DNAAF9: variants seen among roughly 807,000 people sequenced by gnomAD.
DNAAF9 encodes the protein shulin.
In DNAAF9, 90 loss-of-function variants were observed where a neutral mutation model predicts 167.0. The observed-to-expected ratio is 0.54, with a 90% CI of 0.45 to 0.64. DNAAF9 has a LOEUF of 0.64. Among genes scored for constraint, DNAAF9 ranks in the 30% least tolerant of loss-of-function variants. The probability of loss-of-function intolerance (pLI) is 0.00; values close to 1 mark genes in which losing one functional copy is unlikely to be tolerated. For missense variants in DNAAF9, 1,315 were observed against 1,442.2 expected, an observed-to-expected ratio of 0.91 and a Z score of 1.43; for synonymous variants, 491 against 508.8, an observed-to-expected ratio of 0.96 and a Z score of 0.47.
chr20:3,261,800 A>C, intron 31 of DNAAF9, among the ~76,000 whole-genome samples: 1 of 151,710 alleles, frequency 6.6e-6, no homozygotes, highest in Non-Finnish European at 1.5e-5. Flanking sequence ...TCCCCATCCA[A>C]ACAAGTCATT....
intron 10 of DNAAF9, among the ~76,000 whole-genome samples, chr20:3,333,938 T>G (rs1029075201): frequency 6.6e-6 from 1 of 152,196 alleles, no homozygotes; most frequent in Non-Finnish European, 1.5e-5. Context: ...AATAAGTAAC[T>G]GTCTAAACCT....
chr20:3,398,931 A>G (rs1052462394), intron 1 of DNAAF9, among the ~76,000 whole-genome samples: 1 of 152,184 alleles, frequency 6.6e-6, no homozygotes, highest in African/African-American at 2.4e-5. Flanking sequence ...CAATGGAAAA[A>G]AGCTAGCCAA....
At chr20:3,284,533 G>T (rs530092655) in intron 27 of DNAAF9, among the ~76,000 whole-genome samples, 3 of 151,692 alleles carry the variant, frequency 2.0e-5, no homozygotes, top group Non-Finnish European at 2.9e-5. Context: ...GTATGACGAA[G>T]GCAAAAAACT....
chr20:3,398,621 C>A (rs1298753406), intron 1 of DNAAF9, among the ~76,000 whole-genome samples: 1 of 152,052 alleles, frequency 6.6e-6, no homozygotes, highest in Non-Finnish European at 1.5e-5. Flanking sequence ...GTTCACTGAA[C>A]AATTCTTGAA....
chr20:3,376,450 G>T, intron 3 of DNAAF9, 148 bp from the exon 4 acceptor site: 1 of 692,276 alleles, frequency 1.4e-6, no homozygotes. Context: ...TAAGCACTGT[G>T]CCTTGTAAAC....
At chr20:3,355,156 T>C (rs1220337011) in intron 7 of DNAAF9, among the ~76,000 whole-genome samples, 1 of 152,260 alleles carries the variant, frequency 6.6e-6, no homozygotes, top group Non-Finnish European at 1.5e-5. Flanking sequence ...AATTCTTACA[T>C]TCTCTGTATA....
At chr20:3,268,760 G>A (rs1488247039) in intron 30 of DNAAF9, among the ~76,000 whole-genome samples, 3 of 151,966 alleles carry the variant, frequency 2.0e-5, no homozygotes, top group Non-Finnish European at 2.9e-5. Context: ...TATCTGAATT[G>A]AGCAAACAAA....
At chr20:3,296,005 A>G (rs940058634) in intron 23 of DNAAF9, 102 of 1,414,266 alleles carry the variant, frequency 7.2e-5, no homozygotes, top group Non-Finnish European at 9.3e-5. Flanking sequence ...TGTTGTACAC[A>G]TCGGGAACTT....
intron 34 of DNAAF9, among the ~76,000 whole-genome samples, chr20:3,255,687 G>A (rs779750146): frequency 4.6e-5 from 7 of 152,194 alleles, no homozygotes; most frequent in Non-Finnish European, 1.0e-4. Context: ...AGCATCTGCA[G>A]AAGAGCCAGG....
intron 18 of DNAAF9, 125 bp downstream of exon 18, chr20:3,316,598 T>C: frequency 1.7e-6 from 1 of 601,814 alleles, no homozygotes; most frequent in Admixed American, 2.6e-5. Flanking sequence ...AAAATTCCAT[T>C]CCTGAACAAC....
chr20:3,322,791 A>ACCTCACT, intron 14 of DNAAF9, 95 bp from the exon 15 acceptor site: 2 of 879,190 alleles, frequency 2.3e-6, no homozygotes, highest in Non-Finnish European at 3.9e-6. Flanking sequence ...AAGGCCACAC[A>ACCTCACT]GTGAGGTGTG....
Position 3,283,130 on chromosome 20 carries a change from AGAG to A in DNAAF9, c.2487-1367_2487-1365del, listed in dbSNP as rs140512539. 3.8e-3 allele frequency among the ~76,000 whole-genome samples: 574 copies of A among 152,304 alleles called. 2 individuals carry two copies. The highest frequency in any genetic ancestry group is 0.013 in the African/African-American group (548 of 41,574). Reference sequence around the variant, plus strand: ...AGGGGACCTAGCCTCTTCACCTTGTAGAGGAGAACTCTTTCCTGATTGATCCGG... The same window carrying A: ...AGGGGACCTAGCCTCTTCACCTTGTAGAGAACTCTTTCCTGATTGATCCGG... On this transcript the variant is annotated intron_variant, in intron 27 of 36. Coordinates refer to ENST00000252032, the MANE Select transcript of DNAAF9 (RefSeq NM_001009984.3).
At chr20:3,254,779 A>G (rs1004676185) in intron 35 of DNAAF9, among the ~76,000 whole-genome samples, 9 of 152,190 alleles carry the variant, frequency 5.9e-5, no homozygotes, top group African/African-American at 2.2e-4. Flanking sequence ...TGGGGGTCAG[A>G]GCCTGGAGGC....
rs149678794 is a variant in DNAAF9, at chr20:3,320,634, A to G, written c.1356+1583T>C. Among the ~76,000 whole-genome samples, 736 of 152,354 alleles carry G rather than the reference A, an allele frequency of 4.8e-3. 2 individuals are homozygous for G. Among genetic ancestry groups the G allele is most frequent in the Middle Eastern group, 6.8e-3 (2 of 294 alleles). ...TCACAAAAAAGTCTAAACTAGTTCT[A>G]AAAGAACATCCACACAAAATGTTGA... On this transcript the variant is annotated intron_variant, in intron 16 of 36. Coordinates refer to ENST00000252032, the MANE Select transcript of DNAAF9 (RefSeq NM_001009984.3).
At chr20:3,304,315 G>A (rs1198657141) in intron 21 of DNAAF9, 125 bp downstream of exon 21, 2 of 683,360 alleles carry the variant, frequency 2.9e-6, no homozygotes, top group East Asian at 2.7e-5. Context: ...CTGCCTCAGT[G>A]GCTGTGCTGG....
chr20:3,380,630 C>G (rs1397694730), intron 3 of DNAAF9, among the ~76,000 whole-genome samples: 1 of 152,226 alleles, frequency 6.6e-6, no homozygotes, highest in Admixed American at 6.5e-5. Flanking sequence ...AACTACTGCA[C>G]TAGACACATA....
At chr20:3,285,169 T>C (rs1200150551) in intron 27 of DNAAF9, among the ~76,000 whole-genome samples, 1 of 152,200 alleles carries the variant, frequency 6.6e-6, no homozygotes, top group Non-Finnish European at 1.5e-5. Context: ...ACCGCTTCAC[T>C]AAATTGAGTG....
chr20:3,368,051 C>T (rs760901805), intron 6 of DNAAF9, among the ~76,000 whole-genome samples: 2 of 152,166 alleles, frequency 1.3e-5, no homozygotes, highest in Non-Finnish European at 1.5e-5. Context: ...CAGGCACTAT[C>T]CTCGAATCCT....
rs148453681 is a variant in DNAAF9 at position 3,333,992 on chromosome 20, T to A, written c.982-1631A>T. On this transcript the variant is annotated intron_variant, in intron 10 of 36. Coordinates refer to ENST00000252032, the MANE Select transcript of DNAAF9 (RefSeq NM_001009984.3). ...CTCTTAAAAACATTTTAAGTCAGGCTGAATCAATTGCGAGCTTTCCTGGAA... is the reference window on the plus strand; with the variant it reads ...CTCTTAAAAACATTTTAAGTCAGGCAGAATCAATTGCGAGCTTTCCTGGAA... 2.5e-3 allele frequency among the ~76,000 whole-genome samples: 380 copies of A among 152,312 alleles called. 1 individual carries two copies. The highest frequency in any genetic ancestry group is 8.3e-3 in the African/African-American group (346 of 41,564).
Sources: gnomAD v4.1 joint callset for allele counts (sites outside exome capture counted in the v4.1 genomes callset) on GRCh38, gnomAD v4.1.1 for gene constraint, MANE v1.5 for transcripts, NCBI Gene and HGNC (gene_info 2026-07-23, HGNC 2026-07-21) for gene names.